Variants in VBP1 observed in about 807,000 individuals in gnomAD.
VBP1 encodes VHL binding protein 1.
VBP1 carries 4 observed loss-of-function variants against 15.5 expected under a neutral mutation model. That is an observed-to-expected ratio of 0.26 (90% CI 0.13 to 0.59). VBP1 has a LOEUF of 0.59. VBP1 is among the 20% of genes least tolerant of loss of function. VBP1 has a pLI of 0.90. For missense variants in VBP1, 108 were observed against 139.6 expected (o/e 0.77, Z 1.14); for synonymous variants, 61 against 52.1 (o/e 1.17, Z -0.74).
intron 2 of VBP1, among the ~76,000 whole-genome samples, chrX:155,223,490 T>C (rs2074700839): frequency 9.0e-6 from 1 of 110,846 alleles, no homozygotes; most frequent in Admixed American, 9.6e-5. Context: ...ACACAGCACA[T>C]GTTTCAGAGA....
intron 1 of VBP1, among the ~76,000 whole-genome samples, chrX:155,206,319 C>T (rs990647677): frequency 8.2e-5 from 9 of 109,788 alleles, no homozygotes; most frequent in African/African-American, 2.7e-4. Flanking sequence ...CTGCAAGCTC[C>T]GCCCCTTGGG....
At chrX:155,198,923 T>C (rs1404045206) in intron 1 of VBP1, among the ~76,000 whole-genome samples, 1 of 111,918 alleles carries the variant, frequency 8.9e-6, no homozygotes, top group Admixed American at 9.5e-5. Context: ...AAGGAGCTGA[T>C]GGAGCTGAAA....
At chrX:155,237,919 T>C (rs1240517199) in intron 5 of VBP1, among the ~76,000 whole-genome samples, 1 of 111,672 alleles carries the variant, frequency 9.0e-6, no homozygotes, top group East Asian at 2.8e-4. Flanking sequence ...TATGGTTGGC[T>C]GAGGGAAGGC....
chrX:155,203,642 G>A (rs1159503122), intron 1 of VBP1, among the ~76,000 whole-genome samples: 1 of 106,037 alleles, frequency 9.4e-6, no homozygotes, highest in Non-Finnish European at 1.9e-5. Flanking sequence ...ATACCATTAG[G>A]AGATATACCT....
In VBP1 at chrX:155,238,762, A is replaced by G; in HGVS notation, c.524-10A>G. 1 of 1,197,233 alleles carries G rather than the reference A, an allele frequency of 8.4e-7. No individual in the cohort carries two copies. Among genetic ancestry groups the G allele is most frequent in the Non-Finnish European group, 1.1e-6 (1 of 888,662 alleles). Reference sequence around the variant, plus strand: ...AATTGCATTTGCATTTTCTTTGACAATTCTTGCAGATATGGCCAGGGTTTA... The same window carrying G: ...AATTGCATTTGCATTTTCTTTGACAGTTCTTGCAGATATGGCCAGGGTTTA... On this transcript the variant is annotated splice_polypyrimidine_tract_variant and intron_variant, in intron 5 of 5. Coordinates refer to ENST00000286428, the MANE Select transcript of VBP1 (RefSeq NM_003372.7).
At chrX:155,225,370 A>AT (rs781899622) in intron 2 of VBP1, among the ~76,000 whole-genome samples, 6 of 109,429 alleles carry the variant, frequency 5.5e-5, no homozygotes, top group East Asian at 2.9e-4. Flanking sequence ...ATTTTTTTGT[A>AT]TTTTTTTTTA....
At chrX:155,224,046 C>T (rs1304929252) in intron 2 of VBP1, among the ~76,000 whole-genome samples, 5 of 108,924 alleles carry the variant, frequency 4.6e-5, no homozygotes, top group South Asian at 4.0e-4. Flanking sequence ...AGAGGATGGG[C>T]GGCCGGGCAG....
intron 1 of VBP1, among the ~76,000 whole-genome samples, chrX:155,200,273 C>G (rs1251048739): frequency 9.4e-6 from 1 of 106,601 alleles, no homozygotes; most frequent in Non-Finnish European, 1.9e-5. Context: ...TAGACATCTA[C>G]AGAACTCTCC....
upstream of VBP1, among the ~76,000 whole-genome samples, chrX:155,215,774 A>G (rs782064731): frequency 5.4e-5 from 6 of 112,026 alleles, no homozygotes; most frequent in African/African-American, 1.9e-4. Context: ...GTGCTTTTAA[A>G]GGGTTGTAGT....
chrX:155,216,135 G>A (rs1602877219), upstream of VBP1, among the ~76,000 whole-genome samples: 1 of 110,739 alleles, frequency 9.0e-6, no homozygotes, highest in East Asian at 2.8e-4. Context: ...GAAGGCTGCT[G>A]CCAGTTCTAG....
At chrX:155,218,067 A>G (rs2074673321) in intron 1 of VBP1, among the ~76,000 whole-genome samples, 1 of 112,036 alleles carries the variant, frequency 8.9e-6, no homozygotes, top group Admixed American at 9.4e-5. Context: ...GGCGTCAGAA[A>G]TCTAACTCGG....
chrX:155,208,364 C>T (rs1401576646), intron 1 of VBP1, among the ~76,000 whole-genome samples: 2 of 112,511 alleles, frequency 1.8e-5, no homozygotes, highest in Non-Finnish European at 3.8e-5. Context: ...GATGTGCTTG[C>T]GCTTCCTTCA....
intron 1 of VBP1, among the ~76,000 whole-genome samples, chrX:155,205,146 C>T (rs782527743): frequency 8.9e-6 from 1 of 112,034 alleles, no homozygotes; most frequent in African/African-American, 3.2e-5. Context: ...CTATTTGTAG[C>T]TTCAGTGCAC....
At position 155,233,260 on chromosome X, in the gene VBP1, C is replaced by T. The variant is rs192480229; in HGVS notation, c.385-2969C>T. Among the ~76,000 whole-genome samples the T allele has an allele frequency of 7.9e-4, 88 of 111,118 alleles. 1 individual carries two copies. The highest frequency in any genetic ancestry group is 2.7e-3 in the African/African-American group (83 of 30,580). On this transcript the variant is annotated intron_variant, in intron 4 of 5. Coordinates refer to ENST00000286428, the MANE Select transcript of VBP1 (RefSeq NM_003372.7). Reference sequence around the variant, plus strand: ...GAGAATTAGATTTCAGCCTTATTCACGTTATTGGCAAAATCCGGTTCTCTG... The same window carrying T: ...GAGAATTAGATTTCAGCCTTATTCATGTTATTGGCAAAATCCGGTTCTCTG...
chrX:155,197,802 G>A (rs1384694260), intron 1 of VBP1, among the ~76,000 whole-genome samples: 14 of 112,535 alleles, frequency 1.2e-4, no homozygotes, highest in East Asian at 2.8e-4. Context: ...GAAGCAGGGC[G>A]AGGCATTGCC....
rs183914676 is a variant in VBP1 at position 155,225,306 on chromosome X, G to A, written c.219-1929G>A. Among the ~76,000 whole-genome samples, 187 of 111,542 alleles carry A rather than the reference G, an allele frequency of 1.7e-3. No homozygotes were observed. The Middle Eastern group carries it at 0.019, about 11-fold the overall frequency. On this transcript the variant is annotated intron_variant, in intron 2 of 5. Transcript: ENST00000286428. ...CCTCCTGGATTCAAGGGATCCTCCCGCCTCAACTTCCCAAGTAGCTGGGAT... is the reference window on the plus strand; with the variant it reads ...CCTCCTGGATTCAAGGGATCCTCCCACCTCAACTTCCCAAGTAGCTGGGAT...
At chrX:155,235,108 G>T (rs1247787984) in intron 4 of VBP1, among the ~76,000 whole-genome samples, 1 of 107,445 alleles carries the variant, frequency 9.3e-6, no homozygotes, top group East Asian at 2.9e-4. Context: ...CCCAGTGTGT[G>T]TGTGTGTATG....
At chrX:155,220,051 A>C in intron 1 of VBP1, 132 bp from the exon 2 acceptor site, 1 of 561,750 alleles carries the variant, frequency 1.8e-6, no homozygotes, top group Admixed American at 4.6e-5. Flanking sequence ...CTTAACCTGT[A>C]CTTTTAGTTA....
upstream of VBP1, among the ~76,000 whole-genome samples, chrX:155,214,547 G>A (rs1440338796): frequency 9.0e-6 from 1 of 111,520 alleles, no homozygotes; most frequent in Non-Finnish European, 1.9e-5. Context: ...TGTTGTATGC[G>A]TATTTTCTTT....
Sources: allele counts gnomAD v4.1 joint callset (sites outside exome capture counted in the v4.1 genomes callset), GRCh38; gene constraint gnomAD v4.1.1; transcripts MANE v1.5; gene names NCBI Gene and HGNC (gene_info 2026-07-23, HGNC 2026-07-21).